ARIH2: variants seen among roughly 807,000 people sequenced by gnomAD.
ARIH2 encodes ariadne RBR E3 ubiquitin protein ligase 2.
ARIH2 carries 12 observed loss-of-function variants against 79.8 expected under a neutral mutation model. The ratio of observed to expected loss-of-function variants is 0.15; its 90% CI spans 0.10 to 0.24. The LOEUF (loss-of-function observed/expected upper bound fraction) is 0.24. Ranked by LOEUF, ARIH2 falls within the 10% of genes least tolerant of loss-of-function variation. The pLI, the probability that ARIH2 is intolerant of heterozygous loss-of-function variation, is 1.00. For missense variants in ARIH2, 301 were observed against 618.3 expected (o/e 0.49, Z 5.44); for synonymous variants, 224 against 213.9 (o/e 1.05, Z -0.41).
intron 2 of ARIH2, among the ~76,000 whole-genome samples, chr3:48,923,410 AAAG>A (rs2085109140): frequency 6.6e-6 from 1 of 151,866 alleles, no homozygotes; most frequent in Admixed American, 6.6e-5. Flanking sequence ...AAAAAAAAAA[AAAG>A]GTCAGACTGC....
intron 3 of ARIH2, among the ~76,000 whole-genome samples, chr3:48,949,919 G>A (rs2089732503): frequency 6.6e-6 from 1 of 150,978 alleles, no homozygotes; most frequent in Admixed American, 6.6e-5. Flanking sequence ...TTTTGATGAA[G>A]TCCAGTTTAT....
intron 3 of ARIH2, chr3:48,934,879 T>C (rs1370283627): frequency 3.0e-6 from 3 of 985,278 alleles, no homozygotes; most frequent in Non-Finnish European, 3.6e-6. Flanking sequence ...CCAGCTTTCA[T>C]TCTAGTCTTT....
Position 48,983,466 on chromosome 3 carries a change from C to T in ARIH2, c.*196C>T. On this transcript the variant is annotated 3_prime_UTR_variant, in exon 16 of 16. Coordinates refer to ENST00000356401, the MANE Select transcript of ARIH2 (RefSeq NM_006321.4). ...CTTTTTGTTTCTACCAGGGTAGAGG[C>T]CATGTTGAACTGGCCTCTTTTCAGG... 1.7e-6 allele frequency: 1 copy of T among 602,616 alleles called. No individual in the cohort carries two copies. Among genetic ancestry groups the T allele is most frequent in the East Asian group, 2.8e-5 (1 of 36,142 alleles). The allele number at this position is 602,616 out of a possible 1,614,324, so 37.3% of individuals were successfully genotyped here. A position where few individuals can be genotyped will look rare whatever the true frequency, so the allele number is the denominator to read the frequency against.
At chr3:48,958,185 G>C (rs1238676079) in intron 3 of ARIH2, among the ~76,000 whole-genome samples, 1 of 152,206 alleles carries the variant, frequency 6.6e-6, no homozygotes. Context: ...ACTGGGAGTG[G>C]TGGTGTGGGC....
Position 48,980,495 on chromosome 3 carries a change from A to G in ARIH2, c.1256A>G (p.Lys419Arg). 1 of 1,613,838 alleles carries G rather than the reference A, an allele frequency of 6.2e-7. No individual in the cohort carries two copies. Residue 419 changes from lysine to arginine, a missense_variant and splice_region_variant, in exon 13 of 16, where the codon AAG (lysine) becomes AGG (arginine). Around this residue, in one of 2 missense-constraint regions of ARIH2, gnomAD observed 78 missense variants for 268.9 expected, o/e 0.29. Coordinates refer to ENST00000356401, the MANE Select transcript of ARIH2 (RefSeq NM_006321.4). ...CAGAATGCTGCCAAGCTCTTGGCCA[A>G]GGTATCTACCACTTCACTCATCTTA... ...YLQNAAKLLA[K>R]CRYTLQYTYP... is the part of the protein sequence containing the mutation.
intron 3 of ARIH2, among the ~76,000 whole-genome samples, chr3:48,935,819 G>A (rs1372951493): frequency 2.6e-5 from 4 of 152,088 alleles, no homozygotes; most frequent in African/African-American, 7.2e-5. Context: ...ACATTCTCAG[G>A]GTTGTGTGTC....
chr3:48,959,448 C>T (rs896389750), intron 3 of ARIH2, among the ~76,000 whole-genome samples: 13 of 151,058 alleles, frequency 8.6e-5, no homozygotes, highest in African/African-American at 2.7e-4. Flanking sequence ...CTGTTGGGGA[C>T]GAATAGCTTT....
chr3:48,970,788 G>A (rs1445600131), intron 8 of ARIH2, 84 bp downstream of exon 8: 22 of 1,068,286 alleles, frequency 2.1e-5, no homozygotes, highest in Non-Finnish European at 2.7e-5. Context: ...ATGTGAGGGC[G>A]GCACTGGAAG....
At chr3:48,981,378 G>A (rs144067306) in intron 13 of ARIH2, among the ~76,000 whole-genome samples, 4 of 152,090 alleles carry the variant, frequency 2.6e-5, no homozygotes, top group Admixed American at 1.3e-4. Flanking sequence ...AGATAGATGT[G>A]TTGACTCTGA....
chr3:48,962,271 G>A (rs1339336651), intron 4 of ARIH2, among the ~76,000 whole-genome samples: 1 of 151,936 alleles, frequency 6.6e-6, no homozygotes, highest in South Asian at 2.1e-4. Context: ...CAGCTACTCA[G>A]AAGGCTGAGG....
At chr3:48,945,030 G>A (rs536332992) in intron 3 of ARIH2, 55 of 938,008 alleles carry the variant, frequency 5.9e-5, no homozygotes, top group South Asian at 2.3e-4. Flanking sequence ...CCACGAAGTG[G>A]CAGGCTGAGG....
rs963689256 is a variant in ARIH2 at position 48,986,212 on chromosome 3, G to C, written c.*2942G>C. On this transcript the variant is annotated 3_prime_UTR_variant, in exon 16 of 16. Coordinates refer to ENST00000356401, the MANE Select transcript of ARIH2 (RefSeq NM_006321.4). ...CCGCAGCTCTTCCTCTGGACCTCAG[G>C]TGTGCCAAGCCCCACGCTTGGCACC... 6.6e-6 allele frequency: 1 copy of C among 152,300 alleles called. No individual in the cohort carries two copies. Among genetic ancestry groups the C allele is most frequent in the Non-Finnish European group, 1.5e-5 (1 of 68,016 alleles). The allele number at this position is 152,300 out of a possible 1,614,324, so 9.4% of individuals were successfully genotyped here.
chr3:48,950,661 C>T (rs1350456697), intron 3 of ARIH2, among the ~76,000 whole-genome samples: 1 of 152,060 alleles, frequency 6.6e-6, no homozygotes, highest in East Asian at 1.9e-4. Context: ...CTATGTGTGG[C>T]CATTGCTCAT....
chr3:48,932,794 A>G lies in ARIH2; in HGVS notation c.255+4981A>G, dbSNP rs922525604. Among the ~76,000 whole-genome samples, 29 of 152,276 alleles carry G rather than the reference A, an allele frequency of 1.9e-4. 1 individual carries two copies. The highest frequency in any genetic ancestry group is 2.1e-4 in the Non-Finnish European group (14 of 68,014). On this transcript the variant is annotated intron_variant, in intron 3 of 15. Coordinates refer to ENST00000356401, the MANE Select transcript of ARIH2 (RefSeq NM_006321.4). ...CCACCCCATTGCTTCAGGAGGGGAA[A>G]GAAATAGGCCACTTTGAGCTAGATC... is the stretch of plus-strand genomic sequence containing the variant.
chr3:48,975,566 C>CT lies in ARIH2; in HGVS notation c.961+601dup, dbSNP rs752606580. ...GCTCAACAGGAGCCCCTGACAGTTTCTTTTTTTTTTTTTTGGGAGAAGGAG... is the reference window on the plus strand; with the variant it reads ...GCTCAACAGGAGCCCCTGACAGTTTCTTTTTTTTTTTTTTTGGGAGAAGGAG... On this transcript the variant is annotated intron_variant, in intron 11 of 15. Coordinates refer to ENST00000356401, the MANE Select transcript of ARIH2 (RefSeq NM_006321.4). Among the ~76,000 whole-genome samples, 182 of 142,838 alleles carry CT rather than the reference C, an allele frequency of 1.3e-3. 1 individual carries two copies. The highest frequency in any genetic ancestry group is 5.1e-3 in the East Asian group (25 of 4,904). 93.7% of individuals were successfully genotyped at this position (142,838 alleles called of 152,430 possible).
chr3:48,980,772 C>G (rs908247800), intron 13 of ARIH2, among the ~76,000 whole-genome samples: 1 of 151,874 alleles, frequency 6.6e-6, no homozygotes, highest in Non-Finnish European at 1.5e-5. Flanking sequence ...TTATGTATCA[C>G]TCAAAGGAAA....
chr3:48,964,134 G>A (rs924525996), intron 4 of ARIH2, among the ~76,000 whole-genome samples: 33 of 151,696 alleles, frequency 2.2e-4, no homozygotes, highest in African/African-American at 4.8e-4. Flanking sequence ...AGGTTCAAGC[G>A]ATCCTCCTGC....
chr3:48,966,784 A>C (rs962801808), intron 5 of ARIH2, among the ~76,000 whole-genome samples: 2 of 152,172 alleles, frequency 1.3e-5, no homozygotes, highest in Non-Finnish European at 2.9e-5. Flanking sequence ...CTTCTAAAAG[A>C]ATTTGGACTA....
chr3:48,951,768 G>A (rs550826000), intron 3 of ARIH2, among the ~76,000 whole-genome samples: 6 of 151,940 alleles, frequency 3.9e-5, no homozygotes, highest in Non-Finnish European at 7.4e-5. Flanking sequence ...GTAGGGGGTG[G>A]TCCATCTTCT....
Sources: allele counts gnomAD v4.1 joint callset (sites outside exome capture counted in the v4.1 genomes callset), GRCh38; gene constraint gnomAD v4.1.1; regional missense constraint gnomAD v4.1.1; transcripts MANE v1.5; gene names NCBI Gene and HGNC (gene_info 2026-07-23, HGNC 2026-07-21).